OR4K2: variants seen among roughly 807,000 people sequenced by gnomAD.
OR4K2 encodes olfactory receptor 4K2.
Under a neutral mutation model 10.5 loss-of-function variants are expected in OR4K2, and 8 were observed. The ratio of observed to expected loss-of-function variants is 0.76; its 90% CI spans 0.45 to 1.37. The LOEUF (loss-of-function observed/expected upper bound fraction) is 1.37, where lower values mean the gene tolerates loss of function less well. Ranked by LOEUF, OR4K2 falls within the 40% of genes most tolerant of loss-of-function variation. The pLI is 0.00. For missense variants in OR4K2, 547 were observed against 379.5 expected, an observed-to-expected ratio of 1.44 and a Z score of -3.67; for synonymous variants, 178 against 133.6, an observed-to-expected ratio of 1.33 and a Z score of -2.29.
chr14:19,876,700 G>A lies in OR4K2; in HGVS notation c.433G>A (p.Val145Met), dbSNP rs374716082. 45 of 1,614,006 alleles carry A rather than the reference G, an allele frequency of 2.8e-5. No individual in the cohort carries two copies. Among genetic ancestry groups the A allele is most frequent in the Middle Eastern group, 1.6e-4 (1 of 6,084 alleles). The change falls in exon 2 of 2, where the codon GTG (valine) becomes ATG (methionine). Residue 145 changes from valine (V) to methionine (M), a missense_variant. Transcript: ENST00000641885. ...TAGTCCCCAGGTGTGTGTTGCTCTC[G>A]TGGTGGCTTCCTGGATTATGGGAGT... ...VISPQVCVAL[V>M]VASWIMGVMH...
chr14:19,878,499 T>C lies in OR4K2; in HGVS notation c.*1287T>C, dbSNP rs1880965235. 6.6e-6 allele frequency: 1 copy of C among 152,230 alleles called. No individual in the cohort carries two copies. Among genetic ancestry groups the C allele is most frequent in the Non-Finnish European group, 1.5e-5 (1 of 68,010 alleles). 9.4% of individuals were successfully genotyped at this position (152,230 alleles called of 1,614,324 possible). A position where few individuals can be genotyped will look rare whatever the true frequency, so the allele number is the denominator to read the frequency against. On this transcript the variant is annotated 3_prime_UTR_variant, in exon 2 of 2. Coordinates refer to ENST00000641885, the MANE Select transcript of OR4K2 (RefSeq NM_001005501.2). ...AATGGAGAAAACAAATGAAATGCATTAATTATCATTTATGAAAGATAATTA... is the reference window on the plus strand; with the variant it reads ...AATGGAGAAAACAAATGAAATGCATCAATTATCATTTATGAAAGATAATTA...
At position 19,876,761 on chromosome 14, in the gene OR4K2, C is replaced by T. The variant is rs532614465; in HGVS notation, c.494C>T (p.Thr165Met). 3.7e-5 allele frequency: 59 copies of T among 1,614,172 alleles called. No individual in the cohort carries two copies. In the African/African-American group the frequency reaches 4.5e-4, roughly 12 times the overall value. ...HSMSQVIFAL[T>M]LPFCGPYEVD... Reference sequence around the variant, plus strand: ...ATGAGTCAGGTCATATTTGCCCTCACGTTACCATTCTGTGGTCCCTATGAG... The same window carrying T: ...ATGAGTCAGGTCATATTTGCCCTCATGTTACCATTCTGTGGTCCCTATGAG... Residue 165 changes from threonine (T) to methionine (M), a missense_variant, in exon 2 of 2, where the codon ACG becomes ATG. Transcript: ENST00000641885.
rs1248771158 is a variant in OR4K2, at chr14:19,883,543, T to A, written c.*6331T>A. 6.6e-6 allele frequency: 1 copy of A among 152,262 alleles called. No individual in the cohort carries two copies. Among genetic ancestry groups the A allele is most frequent in the Non-Finnish European group, 1.5e-5 (1 of 68,054 alleles). 9.4% of individuals were successfully genotyped at this position (152,262 alleles called of 1,614,324 possible). A position where few individuals can be genotyped will look rare whatever the true frequency, so the allele number is the denominator to read the frequency against. On this transcript the variant is annotated 3_prime_UTR_variant, in exon 2 of 2. Transcript: ENST00000641885. ...TCTTCACTCACCCTAGCATACCATA[T>A]AATTAGAAGTTTGGAACTGATCTTT... is the stretch of plus-strand genomic sequence containing the variant.
At chr14:19,876,216 T>TC in intron 1 of OR4K2, 29 bp from the exon 2 acceptor site, 1 of 58,522 alleles carries the variant, frequency 1.7e-5, no homozygotes, top group Non-Finnish European at 2.9e-5. Flanking sequence ...TGACTTTCCT[T>TC]TTTTTTTTTT....
rs1448836453 is a variant in OR4K2, at chr14:19,882,606, A to C, written c.*5394A>C. ...ACCCCTGAAGTCCTCAAGTTTGTTC[A>C]TCTCGATGACAACTCTCTCCTCCAA... On this transcript the variant is annotated 3_prime_UTR_variant, in exon 2 of 2. Coordinates refer to ENST00000641885, the MANE Select transcript of OR4K2 (RefSeq NM_001005501.2). The C allele has an allele frequency of 6.6e-6, 1 of 152,274 alleles. No homozygotes were observed. Among genetic ancestry groups the C allele is most frequent in the Non-Finnish European group, 1.5e-5 (1 of 68,090 alleles). The allele number at this position is 152,274 out of a possible 1,614,324, so 9.4% of individuals were successfully genotyped here. A position where few individuals can be genotyped will look rare whatever the true frequency, so the allele number is the denominator to read the frequency against.
In OR4K2 at chr14:19,882,145, C is replaced by T. The variant is rs1881052953; in HGVS notation, c.*4933C>T. On this transcript the variant is annotated 3_prime_UTR_variant, in exon 2 of 2. Coordinates refer to ENST00000641885, the MANE Select transcript of OR4K2 (RefSeq NM_001005501.2). ...ATTGCCACTCCTTCATCACCCTCAGCACTCTTGAAGGTGGTGAATAGTCAC... is the reference window on the plus strand; with the variant it reads ...ATTGCCACTCCTTCATCACCCTCAGTACTCTTGAAGGTGGTGAATAGTCAC... 6.6e-6 allele frequency: 1 copy of T among 152,388 alleles called. No individual in the cohort carries two copies. Among genetic ancestry groups the T allele is most frequent in the Admixed American group, 6.5e-5 (1 of 15,282 alleles). 9.4% of individuals were successfully genotyped at this position (152,388 alleles called of 1,614,324 possible).
rs1241659900 is a variant in OR4K2 at position 19,878,421 on chromosome 14, G to A, written c.*1209G>A. The A allele has an allele frequency of 6.6e-6, 1 of 152,148 alleles. No homozygotes were observed. The highest frequency in any genetic ancestry group is 2.4e-5 in the African/African-American group (1 of 41,430). The allele number at this position is 152,148 out of a possible 1,614,324, so 9.4% of individuals were successfully genotyped here. Reference sequence around the variant, plus strand: ...GTATCCACAAAGGGAAAGATATGTTGCAACCACAGTATTTGATAATATCAA... The same window carrying A: ...GTATCCACAAAGGGAAAGATATGTTACAACCACAGTATTTGATAATATCAA... On this transcript the variant is annotated 3_prime_UTR_variant, in exon 2 of 2. Coordinates refer to ENST00000641885, the MANE Select transcript of OR4K2 (RefSeq NM_001005501.2).
intron 1 of OR4K2, 35 bp from the exon 2 acceptor site, chr14:19,876,209 CT>C (rs1566484110): frequency 1.6e-6 from 2 of 1,213,110 alleles, no homozygotes; most frequent in Non-Finnish European, 2.3e-6. Context: ...TTGAATCTGA[CT>C]TTCCTTTTTT....
rs1880961967 is a variant in OR4K2, at chr14:19,878,341, T to G, written c.*1129T>G. On this transcript the variant is annotated 3_prime_UTR_variant, in exon 2 of 2. Transcript: ENST00000641885. ...AAACATTCATGAGTTAACTCTTATT[T>G]AGAATTTTCTAAATGATATTGATAA... 2.0e-5 allele frequency: 3 copies of G among 152,336 alleles called. No individual in the cohort carries two copies. Among genetic ancestry groups the G allele is most frequent in the African/African-American group, 7.2e-5 (3 of 41,590 alleles). The allele number at this position is 152,336 out of a possible 1,614,324, so 9.4% of individuals were successfully genotyped here. A position where few individuals can be genotyped will look rare whatever the true frequency, so the allele number is the denominator to read the frequency against.
rs1262120584 is a variant in OR4K2 at position 19,880,490 on chromosome 14, C to T, written c.*3278C>T. 1 of 152,182 alleles carries T rather than the reference C, an allele frequency of 6.6e-6. No homozygotes were observed. Among genetic ancestry groups the T allele is most frequent in the Non-Finnish European group, 1.5e-5 (1 of 68,020 alleles). 9.4% of individuals were successfully genotyped at this position (152,182 alleles called of 1,614,324 possible). ...ATCTTTGTTTATGGGACTTGATAGT[C>T]TCTTGAGCTAACACTTGACTTGTTT... On this transcript the variant is annotated 3_prime_UTR_variant, in exon 2 of 2. Transcript: ENST00000641885.
rs1427189659 is a variant in OR4K2, at chr14:19,878,261, AAG to A, written c.*1052_*1053del. On this transcript the variant is annotated 3_prime_UTR_variant, in exon 2 of 2. Coordinates refer to ENST00000641885, the MANE Select transcript of OR4K2 (RefSeq NM_001005501.2). ...TACTAACTGGAATTGCAAGTATTGAAAGAGGAAAAATAATTGTGTATACCCTA... is the reference window on the plus strand; with the variant it reads ...TACTAACTGGAATTGCAAGTATTGAAAGGAAAAATAATTGTGTATACCCTA... 7 of 152,212 alleles carry A rather than the reference AAG, an allele frequency of 4.6e-5. No individual in the cohort carries two copies. The East Asian group carries it at 5.8e-4, about 13-fold the overall frequency. 9.4% of individuals were successfully genotyped at this position (152,212 alleles called of 1,614,324 possible).
Position 19,876,374 on chromosome 14 carries a change from T to G in OR4K2, c.107T>G (p.Val36Gly), listed in dbSNP as rs1287453557. 1.2e-6 allele frequency: 2 copies of G among 1,613,952 alleles called. No homozygotes were observed. The highest frequency in any genetic ancestry group is 2.7e-5 in the African/African-American group (2 of 74,932). ...FFFMVFSLLYVATMVGNSLIV... is the reference protein window; with the variant it reads ...FFFMVFSLLYGATMVGNSLIV... ...TTTATGGTGTTTTCATTGCTTTATGTGGCAACAATGGTGGGTAACAGCCTC... is the reference window on the plus strand; with the variant it reads ...TTTATGGTGTTTTCATTGCTTTATGGGGCAACAATGGTGGGTAACAGCCTC... Residue 36 changes from valine to glycine, a missense_variant, in exon 2 of 2, where the codon GTG becomes GGG. Val to Gly is a moderately radical substitution (Grantham distance 109). Transcript: ENST00000641885.
rs1250984047 is a variant in OR4K2 at position 19,882,294 on chromosome 14, A to T, written c.*5082A>T. On this transcript the variant is annotated 3_prime_UTR_variant, in exon 2 of 2. Coordinates refer to ENST00000641885, the MANE Select transcript of OR4K2 (RefSeq NM_001005501.2). ...GTGCTTTCTAAAGCTCATTTGGTGCATCTAATTGGTGGAATCTATTTTGCA... is the reference window on the plus strand; with the variant it reads ...GTGCTTTCTAAAGCTCATTTGGTGCTTCTAATTGGTGGAATCTATTTTGCA... The T allele has an allele frequency of 1.3e-5, 2 of 151,944 alleles. No individual in the cohort carries two copies. The highest frequency in any genetic ancestry group is 2.9e-5 in the Non-Finnish European group (2 of 68,048). The allele number at this position is 151,944 out of a possible 1,614,324, so 9.4% of individuals were successfully genotyped here.
In OR4K2 at chr14:19,875,969, T is replaced by A; in HGVS notation, c.-189T>A. 2.8e-6 allele frequency: 1 copy of A among 353,882 alleles called. No individual in the cohort carries two copies. Among genetic ancestry groups the A allele is most frequent in the South Asian group, 4.3e-5 (1 of 23,124 alleles). 21.9% of individuals were successfully genotyped at this position (353,882 alleles called of 1,614,324 possible). On this transcript the variant is annotated 5_prime_UTR_variant, in exon 1 of 2. Transcript: ENST00000641885. ...ATAGATGGACAAATAGGTAGGTATGTCTGTTCAGAATGATATTATCTTGGT... is the reference window on the plus strand; with the variant it reads ...ATAGATGGACAAATAGGTAGGTATGACTGTTCAGAATGATATTATCTTGGT...
Position 19,878,632 on chromosome 14 carries a change from G to A in OR4K2, c.*1420G>A. 6.6e-6 allele frequency: 1 copy of A among 152,294 alleles called. No homozygotes were observed. 9.4% of individuals were successfully genotyped at this position (152,294 alleles called of 1,614,324 possible). A position where few individuals can be genotyped will look rare whatever the true frequency, so the allele number is the denominator to read the frequency against. ...TTCATTAATGTACTAAGCAAATAAG[G>A]AAAAAACTTACAGCTTGAAAGTCTG... On this transcript the variant is annotated 3_prime_UTR_variant, in exon 2 of 2. Transcript: ENST00000641885.
rs916437117 is a variant in OR4K2, at chr14:19,881,647, C to T, written c.*4435C>T. 4.6e-5 allele frequency: 7 copies of T among 151,808 alleles called. No individual in the cohort carries two copies. Among genetic ancestry groups the T allele is most frequent in the African/African-American group, 1.5e-4 (6 of 41,288 alleles). 9.4% of individuals were successfully genotyped at this position (151,808 alleles called of 1,614,324 possible). On this transcript the variant is annotated 3_prime_UTR_variant, in exon 2 of 2. Coordinates refer to ENST00000641885, the MANE Select transcript of OR4K2 (RefSeq NM_001005501.2). ...AAAAAATGTTCTCGGGCTGGAGGCT[C>T]CAGGTTTTTTTCCCCCATTAGCCTT...
In OR4K2 at chr14:19,877,186, A is replaced by G. The variant is rs1423960607; in HGVS notation, c.919A>G (p.Asn307Asp). ...GAGGAAACTGAAAAATAGGTTTCTAAATTTTAATAAGGCAATGCCTTCATA... is the reference window on the plus strand; with the variant it reads ...GAGGAAACTGAAAAATAGGTTTCTAGATTTTAATAAGGCAATGCCTTCATA... The part of the protein sequence containing the change: ...AMRKLKNRFL[N>D]FNKAMPS Residue 307 changes from asparagine to aspartate, a missense_variant, in exon 2 of 2, where the codon AAT becomes GAT. Coordinates refer to ENST00000641885, the MANE Select transcript of OR4K2 (RefSeq NM_001005501.2). The G allele has an allele frequency of 2.5e-6, 4 of 1,593,236 alleles. No individual in the cohort carries two copies. The African/African-American group carries it at 4.0e-5, about 16-fold the overall frequency.
Position 19,877,551 on chromosome 14 carries a change from G to A in OR4K2, c.*339G>A, listed in dbSNP as rs1418292170. On this transcript the variant is annotated 3_prime_UTR_variant, in exon 2 of 2. Transcript: ENST00000641885. ...ACAATTACCCACAGTGAGCAACTGA[G>A]TCACTTAGTGAGATGCTCCTAAAGT... 1 of 223,690 alleles carries A rather than the reference G, an allele frequency of 4.5e-6. No homozygotes were observed. Among genetic ancestry groups the A allele is most frequent in the Admixed American group, 5.4e-5 (1 of 18,550 alleles). The allele number at this position is 223,690 out of a possible 1,614,324, so 13.9% of individuals were successfully genotyped here.
In OR4K2 at chr14:19,877,634, T is replaced by C. The variant is rs913157449; in HGVS notation, c.*422T>C. 6.3e-6 allele frequency: 1 copy of C among 159,314 alleles called. No homozygotes were observed. The highest frequency in any genetic ancestry group is 2.4e-5 in the African/African-American group (1 of 41,532). The allele number at this position is 159,314 out of a possible 1,614,324, so 9.9% of individuals were successfully genotyped here. On this transcript the variant is annotated 3_prime_UTR_variant, in exon 2 of 2. Coordinates refer to ENST00000641885, the MANE Select transcript of OR4K2 (RefSeq NM_001005501.2). Reference sequence around the variant, plus strand: ...GGAACTCCATACTGCTGTAGGATCTTAGCCTCTGACAGAGAAGCAATGATT... The same window carrying C: ...GGAACTCCATACTGCTGTAGGATCTCAGCCTCTGACAGAGAAGCAATGATT...
Sources: allele counts gnomAD v4.1 joint callset, GRCh38; gene constraint gnomAD v4.1.1; transcripts MANE v1.5; gene names NCBI Gene and HGNC (gene_info 2026-07-23, HGNC 2026-07-21).